AHCTF1: variants seen among roughly 807,000 people sequenced by gnomAD.
The protein encoded by AHCTF1 is AT-hook containing transcription factor 1.
AHCTF1 carries 24 observed loss-of-function variants against 248.4 expected under a neutral mutation model. The ratio of observed to expected loss-of-function variants is 0.10; its 90% CI spans 0.07 to 0.14. The LOEUF (loss-of-function observed/expected upper bound fraction) is 0.14. Among genes scored for constraint, AHCTF1 ranks in the 10% least tolerant of loss-of-function variants. AHCTF1 has a pLI of 1.00. For synonymous variants in AHCTF1, 786 were observed against 929.8 expected (o/e 0.85, Z 2.81); for missense variants, 2,206 against 2,636.2 (o/e 0.84, Z 3.57).
At position 246,850,761 on chromosome 1, in the gene AHCTF1, C is replaced by T. The variant is rs776106976; in HGVS notation, c.5245G>A (p.Val1749Met). Residue 1749 changes from valine to methionine, a missense_variant, in exon 33 of 36, where the codon GTG (valine) becomes ATG (methionine). Val to Met is a conservative substitution (Grantham distance 21). This residue lies in a region of AHCTF1 where 955 missense variants were observed against 1,055.6 expected (regional missense o/e 0.90). Transcript: ENST00000648844. ...TCCTGTTGTGCTGATTTGACATTCA[C>T]GTTTTGGATACGTTGACCTCTCGTA... ...TRTRGQRIQN[V>M]NVKSAQQEAS... is the part of the protein sequence containing the mutation. 1.4e-5 allele frequency: 22 copies of T among 1,613,704 alleles called. No individual in the cohort carries two copies. The highest frequency in any genetic ancestry group is 1.7e-5 in the Non-Finnish European group (20 of 1,179,836).
chr1:246,879,455 T>C (rs1572407145), intron 21 of AHCTF1, among the ~76,000 whole-genome samples: 1 of 152,210 alleles, frequency 6.6e-6, no homozygotes, highest in Admixed American at 6.5e-5. Context: ...ACATGTGCAT[T>C]ACGTGGTTAC....
chr1:246,844,289 T>C (rs1160691646), intron 33 of AHCTF1, among the ~76,000 whole-genome samples: 1 of 152,214 alleles, frequency 6.6e-6, no homozygotes, highest in Non-Finnish European at 1.5e-5. Flanking sequence ...CCTGAGCTAG[T>C]CTGTGCCATA....
In AHCTF1 at chr1:246,841,440, C is replaced by T. The variant is rs546867513; in HGVS notation, c.6609-442G>A. 5.1e-4 allele frequency among the ~76,000 whole-genome samples: 77 copies of T among 152,200 alleles called. 4 individuals carry two copies. Among genetic ancestry groups the T allele is most frequent in the South Asian group, 6.2e-4 (3 of 4,822 alleles). ...CAAACTTGAGTTTCTCACATAGATA[C>T]GCCAGTTTATATGTAAACAGTGGTA... On this transcript the variant is annotated intron_variant, in intron 35 of 35. Transcript: ENST00000648844.
chr1:246,869,468 T>G (rs1220631796), intron 24 of AHCTF1, among the ~76,000 whole-genome samples: 2 of 152,210 alleles, frequency 1.3e-5, no homozygotes, highest in Non-Finnish European at 2.9e-5. Context: ...GCTACGTCAG[T>G]GAACACATGA....
intron 4 of AHCTF1, among the ~76,000 whole-genome samples, chr1:246,911,413 T>A (rs1665788394): frequency 6.6e-6 from 1 of 152,082 alleles, no homozygotes; most frequent in African/African-American, 2.4e-5. Flanking sequence ...CACATAAAAA[T>A]TTTATTAATC....
chr1:246,867,894 C>CG, intron 24 of AHCTF1, 83 bp from the exon 25 acceptor site: 4 of 535,970 alleles, frequency 7.5e-6, no homozygotes, highest in Non-Finnish European at 1.1e-5. Flanking sequence ...TGATTACACC[C>CG]CCCCCCCCAC....
intron 25 of AHCTF1, 90 bp downstream of exon 25, chr1:246,867,571 A>T: frequency 6.8e-7 from 1 of 1,470,594 alleles, no homozygotes; most frequent in Non-Finnish European, 9.3e-7. Context: ...TAATAAACTT[A>T]GGCAAAGAGA....
At chr1:246,867,129 TTAAAA>T (rs1662035082) in intron 26 of AHCTF1, 110 bp downstream of exon 26, 1 of 612,160 alleles carries the variant, frequency 1.6e-6, no homozygotes, top group African/African-American at 1.9e-5. Flanking sequence ...AAAGCAAACA[TTAAAA>T]TATTCATTTA....
chr1:246,872,103 CTA>C (rs1662639993), intron 24 of AHCTF1, among the ~76,000 whole-genome samples: 1 of 147,752 alleles, frequency 6.8e-6, no homozygotes, highest in Non-Finnish European at 1.5e-5. Flanking sequence ...AGGGTGGTCT[CTA>C]ACTAAATATG....
chr1:246,903,659 C>CCA (rs1237218875), intron 7 of AHCTF1, among the ~76,000 whole-genome samples: 2 of 116,680 alleles, frequency 1.7e-5, no homozygotes, highest in Admixed American at 9.3e-5. Flanking sequence ...GAGACCCCCC[C>CCA]CCCTCCGTCT....
intron 3 of AHCTF1, among the ~76,000 whole-genome samples, chr1:246,915,645 A>G (rs948133296): frequency 3.3e-5 from 5 of 152,248 alleles, no homozygotes; most frequent in African/African-American, 1.2e-4. Context: ...CCACTAGACT[A>G]TAAGCTCTCT....
At position 246,840,384 on chromosome 1, in the gene AHCTF1, T is replaced by C. The variant is rs1177911027; in HGVS notation, c.*422A>G. On this transcript the variant is annotated 3_prime_UTR_variant, in exon 36 of 36. Transcript: ENST00000648844. ...AATCACAGAATCAAAGTGCATAAAT[T>C]ATAAAATAGTAACTGTAAAAAGAAA... is the stretch of plus-strand genomic sequence containing the variant. 1 of 152,720 alleles carries C rather than the reference T, an allele frequency of 6.5e-6. No homozygotes were observed. The highest frequency in any genetic ancestry group is 2.4e-5 in the African/African-American group (1 of 41,438). 9.5% of individuals were successfully genotyped at this position (152,720 alleles called of 1,614,324 possible). A position where few individuals can be genotyped will look rare whatever the true frequency, so the allele number is the denominator to read the frequency against.
At chr1:246,873,276 T>C (rs1043600064) in intron 24 of AHCTF1, among the ~76,000 whole-genome samples, 4 of 152,230 alleles carry the variant, frequency 2.6e-5, no homozygotes, top group African/African-American at 9.6e-5. Context: ...TAAATCACCA[T>C]ATAAAAAAAT....
intron 4 of AHCTF1, 39 bp from the exon 5 acceptor site, chr1:246,907,797 G>A (rs375584455): frequency 5.1e-5 from 79 of 1,558,394 alleles, no homozygotes; most frequent in African/African-American, 4.2e-4. Context: ...TAAAAAACTA[G>A]AAACAGCATT....
chr1:246,849,566 C>G (rs770552926), intron 33 of AHCTF1, 49 bp downstream of exon 33: 1 of 1,540,388 alleles, frequency 6.5e-7, no homozygotes, highest in Non-Finnish European at 8.7e-7. Flanking sequence ...AAATTTTAAG[C>G]TGAAGAGTGA....
At chr1:246,851,840 T>C (rs1434200616) in intron 32 of AHCTF1, 1 of 168,004 alleles carries the variant, frequency 6.0e-6, no homozygotes, top group Non-Finnish European at 1.3e-5. Context: ...TTCCCCAAAT[T>C]ACCTAACTAT....
intron 29 of AHCTF1, among the ~76,000 whole-genome samples, chr1:246,858,997 C>CA (rs1558219886): frequency 6.6e-6 from 1 of 152,000 alleles, no homozygotes; most frequent in South Asian, 2.1e-4. Flanking sequence ...GAGGCTGAGG[C>CA]AAGAGAAGAG....
chr1:246,867,223 A>G, intron 26 of AHCTF1, 21 bp downstream of exon 26: 1 of 1,380,036 alleles, frequency 7.2e-7, no homozygotes. Flanking sequence ...TGTCTCTAAG[A>G]ATGATTTAAT....
intron 21 of AHCTF1, among the ~76,000 whole-genome samples, chr1:246,883,182 A>G (rs544916943): frequency 6.6e-6 from 1 of 152,236 alleles, no homozygotes; most frequent in Non-Finnish European, 1.5e-5. Flanking sequence ...TTGATGGTTT[A>G]AATATTAAAA....
Sources: allele counts gnomAD v4.1 joint callset (sites outside exome capture counted in the v4.1 genomes callset), GRCh38; gene constraint gnomAD v4.1.1; regional missense constraint gnomAD v4.1.1; transcripts MANE v1.5; gene names NCBI Gene and HGNC (gene_info 2026-07-23, HGNC 2026-07-21).